AHNAK: variants seen among roughly 807,000 people sequenced by gnomAD.
AHNAK encodes the protein AHNAK nucleoprotein, also known as neuroblast differentiation-associated protein AHNAK.
Under a neutral mutation model 37.8 loss-of-function variants are expected in AHNAK, and 23 were observed. That is an observed-to-expected ratio of 0.61 (90% CI 0.44 to 0.86). AHNAK has a LOEUF of 0.86. Among genes scored for constraint, AHNAK ranks in the 40% least tolerant of loss-of-function variants. The pLI is 0.00. For missense variants in AHNAK, 7,411 were observed against 7,319.4 expected, an observed-to-expected ratio of 1.01 and a Z score of -0.46; for synonymous variants, 2,481 against 2,636.3, an observed-to-expected ratio of 0.94 and a Z score of 1.80.
At chr11:62,508,772 G>A (rs1026010968) in intron 4 of AHNAK, among the ~76,000 whole-genome samples, 1 of 152,218 alleles carries the variant, frequency 6.6e-6, no homozygotes, top group African/African-American at 2.4e-5. Context: ...CCCGTGGCAG[G>A]CATTCATGCA....
rs769435744 is a variant in AHNAK, at chr11:62,524,387, C to T, written c.10030G>A (p.Glu3344Lys). Reference sequence around the variant, plus strand: ...AAACGAGATTTCTTTGACTTGCCTTCGATATTAAGCTTAGGACCGGAAACG... The same window carrying T: ...AAACGAGATTTCTTTGACTTGCCTTTGATATTAAGCTTAGGACCGGAAACG... ...VDVSGPKLNIEGKSKKSRFKL... is the reference protein window; with the variant it reads ...VDVSGPKLNIKGKSKKSRFKL... Residue 3344 changes from glutamate (E) to lysine (K), a missense_variant, in exon 5 of 5, where the codon GAA (glutamate) becomes AAA (lysine). Glu to Lys is a moderately conservative substitution (Grantham distance 56). Transcript: ENST00000378024. 1.1e-5 allele frequency: 17 copies of T among 1,612,244 alleles called. No individual in the cohort carries two copies. Among genetic ancestry groups the T allele is most frequent in the East Asian group, 2.2e-5 (1 of 44,884 alleles).
chr11:62,526,788 T>G lies in AHNAK; in HGVS notation c.7629A>C (p.Gly2543=). ...CAGGGCCTTCAATGTCCACCTTGGG[T>G]CCTGAGATGTCAACGTCAGCCTTAG... The part of the protein sequence containing the change: ...NLPKADVDIS[G]PKVDIEGPDV... The change falls in exon 5 of 5, where the codon GGA becomes GGC. Residue 2543 remains glycine (G), a synonymous_variant. Transcript: ENST00000378024. The G allele has an allele frequency of 6.2e-7, 1 of 1,613,802 alleles. No homozygotes were observed. The highest frequency in any genetic ancestry group is 8.5e-7 in the Non-Finnish European group (1 of 1,179,970).
At chr11:62,515,800 T>C (rs1940000478), downstream of AHNAK, 1 of 846,980 alleles carries the variant, frequency 1.2e-6, no homozygotes, top group East Asian at 9.4e-5. Flanking sequence ...CTGATGAAAC[T>C]AGCAATGCCA....
At chr11:62,480,425 G>C (rs2134869000) in intron 5 of AHNAK, among the ~76,000 whole-genome samples, 1 of 152,128 alleles carries the variant, frequency 6.6e-6, no homozygotes, top group South Asian at 2.1e-4. Flanking sequence ...ACTTTGGGAG[G>C]CCGAGGTGGG....
chr11:62,458,098 T>C (rs984924279), intron 5 of AHNAK, among the ~76,000 whole-genome samples: 1 of 151,844 alleles, frequency 6.6e-6, no homozygotes, highest in African/African-American at 2.4e-5. Flanking sequence ...TTTTGTATTT[T>C]TAGTAGAGAC....
Position 62,519,123 on chromosome 11 carries a change from T to C in AHNAK, c.15294A>G (p.Lys5098=), listed in dbSNP as rs2134195249. 4 of 1,613,846 alleles carry C rather than the reference T, an allele frequency of 2.5e-6. No homozygotes were observed. The highest frequency in any genetic ancestry group is 3.4e-6 in the Non-Finnish European group (4 of 1,179,934). ...GGGCCTCAGCTTTAAATTTAGGTGA[T>C]TTAATGTCAAACTCTACATCTGGGA... The part of the protein sequence containing the change: ...MYFPDVEFDI[K]SPKFKAEAPL... The change falls in exon 5 of 5, where the codon AAA becomes AAG. Residue 5098 remains lysine (K), a synonymous_variant. Coordinates refer to ENST00000378024, the MANE Select transcript of AHNAK (RefSeq NM_001620.3).
intron 1 of AHNAK, chr11:62,546,194 G>A (rs531305538): frequency 6.5e-6 from 1 of 154,394 alleles, no homozygotes; most frequent in African/African-American, 2.4e-5. Context: ...GACAGCCGAG[G>A]GGGCGCACGG....
At chr11:62,463,233 C>T (rs1938831055) in intron 5 of AHNAK, among the ~76,000 whole-genome samples, 1 of 151,600 alleles carries the variant, frequency 6.6e-6, no homozygotes, top group East Asian at 1.9e-4. Context: ...TATTCCAGGA[C>T]AACAAGCAGT....
intron 4 of AHNAK, among the ~76,000 whole-genome samples, chr11:62,498,404 A>ATGTAATTATAATTACACTATATAG (rs375466556): frequency 0.013 from 2,024 of 150,432 alleles, 33 homozygotes; most frequent in Non-Finnish European, 0.019. Context: ...ATTACACTAA[A>ATGTAATTATAATTACACTATATAG]TGTAATTATA....
intron 5 of AHNAK, among the ~76,000 whole-genome samples, chr11:62,474,994 C>G (rs1373450715): frequency 1.3e-5 from 2 of 152,114 alleles, no homozygotes; most frequent in African/African-American, 4.8e-5. Flanking sequence ...TGCAGAGGGT[C>G]ATCAGGGCAC....
At chr11:62,492,492 C>G (rs148210166) in intron 4 of AHNAK, among the ~76,000 whole-genome samples, 1 of 152,178 alleles carries the variant, frequency 6.6e-6, no homozygotes, top group African/African-American at 2.4e-5. Context: ...GAAACCAGTT[C>G]GTGGAGAACT....
chr11:62,516,175 A>C lies in AHNAK; in HGVS notation c.*569T>G. ...CGTCAGCACCAAACTGGCTGGGACC[A>C]CCACCCCTGGGTGAAAGAAACAACA... is the stretch of plus-strand genomic sequence containing the variant. On this transcript the variant is annotated 3_prime_UTR_variant, in exon 5 of 5. Transcript: ENST00000378024. The C allele has an allele frequency of 7.8e-7, 1 of 1,289,214 alleles. No individual in the cohort carries two copies. Among genetic ancestry groups the C allele is most frequent in the South Asian group, 1.2e-5 (1 of 81,014 alleles). The allele number at this position is 1,289,214 out of a possible 1,614,324, so 79.9% of individuals were successfully genotyped here.
In AHNAK at chr11:62,531,717, G is replaced by T; in HGVS notation, c.2700C>A (p.Asn900Lys). Reference sequence around the variant, plus strand: ...AGATGTCCACATCAGCCTTGGGCAGGTTCACATCCACTTCTGGGCCCTCTG... The same window carrying T: ...AGATGTCCACATCAGCCTTGGGCAGTTTCACATCCACTTCTGGGCCCTCTG... The part of the protein sequence containing the change: ...FKAEGPEVDV[N>K]LPKADVDISG... Residue 900 changes from asparagine to lysine, a missense_variant, in exon 5 of 5, where the codon AAC (asparagine) becomes AAA (lysine). Coordinates refer to ENST00000378024, the MANE Select transcript of AHNAK (RefSeq NM_001620.3). 1 of 1,614,116 alleles carries T rather than the reference G, an allele frequency of 6.2e-7. No individual in the cohort carries two copies. Among genetic ancestry groups the T allele is most frequent in the South Asian group, 1.1e-5 (1 of 91,082 alleles).
At chr11:62,472,294 A>C (rs1276041260) in intron 5 of AHNAK, among the ~76,000 whole-genome samples, 1 of 151,528 alleles carries the variant, frequency 6.6e-6, no homozygotes, top group Non-Finnish European at 1.5e-5. Context: ...CACCCACCTG[A>C]CCCAGACCCT....
In AHNAK at chr11:62,507,917, A is replaced by C. The variant is rs1939837600; in HGVS notation, c.343-16086T>G. Among the ~76,000 whole-genome samples the C allele has an allele frequency of 1.3e-5, 2 of 152,230 alleles. 1 individual carries two copies. Among genetic ancestry groups the C allele is most frequent in the South Asian group, 4.1e-4 (2 of 4,834 alleles). ...TACTGGATGGTAGGCTCATTGAAGA[A>C]AGGGGCTTTGCACATAATAATGGGG... On this transcript the variant is annotated intron_variant, in intron 4 of 5. Coordinates refer to the AHNAK transcript ENST00000257247.
chr11:62,434,012 G>T (rs1243468598), intron 5 of AHNAK: 10 of 1,276,782 alleles, frequency 7.8e-6, no homozygotes, highest in Non-Finnish European at 1.1e-5. Context: ...CCTTGCTAGG[G>T]CATCCAAACA....
chr11:62,489,868 AG>A (rs1319137144), intron 5 of AHNAK, among the ~76,000 whole-genome samples: 1 of 152,086 alleles, frequency 6.6e-6, no homozygotes, highest in Non-Finnish European at 1.5e-5. Flanking sequence ...CTAGGAAGGG[AG>A]GGCAAAGTCA....
At position 62,483,587 on chromosome 11, in the gene AHNAK, G is replaced by A. The variant is rs1156904870; in HGVS notation, c.442+8145C>T. On this transcript the variant is annotated intron_variant, in intron 5 of 5. Coordinates refer to the AHNAK transcript ENST00000257247. ...TAAAAAAAAAACTACAGCCAGGCGC[G>A]GTGGCTCACGCCTGTAATCCCAGCG... Among the ~76,000 whole-genome samples the A allele has an allele frequency of 6.0e-5, 9 of 150,826 alleles. No individual in the cohort carries two copies. In the East Asian group the frequency reaches 1.6e-3, roughly 26 times the overall value.
chr11:62,438,167 C>G (rs1353642838), intron 5 of AHNAK, among the ~76,000 whole-genome samples: 3 of 142,690 alleles, frequency 2.1e-5, no homozygotes, highest in Non-Finnish European at 4.5e-5. Context: ...CTGGTCAAGT[C>G]TTTTTCTTTC....
Sources: allele counts gnomAD v4.1 joint callset (sites outside exome capture counted in the v4.1 genomes callset), GRCh38; gene constraint gnomAD v4.1.1; transcripts MANE v1.5; gene names NCBI Gene and HGNC (gene_info 2026-07-23, HGNC 2026-07-21).